The following GARNL3 variants were observed in gnomAD, a reference collection of about 807,000 sequenced individuals.
GARNL3 encodes the protein GTPase activating Rap/RanGAP domain like 3.
GARNL3 carries 63 observed loss-of-function variants against 125.0 expected under a neutral mutation model. The ratio of observed to expected loss-of-function variants is 0.50; its 90% confidence interval spans 0.41 to 0.62. The LOEUF is 0.62. Among genes scored for constraint, GARNL3 ranks in the 20% least tolerant of loss-of-function variants. The probability of loss-of-function intolerance (pLI) is 0.00; values close to 1 mark genes in which losing one functional copy is unlikely to be tolerated. For synonymous variants in GARNL3, 439 were observed against 457.5 expected, an observed-to-expected ratio of 0.96 and a Z score of 0.52; for missense variants, 994 against 1,244.0, an observed-to-expected ratio of 0.80 and a Z score of 3.02.
chr9:127,289,523 T>G (rs1223416826), intron 1 of GARNL3, among the ~76,000 whole-genome samples: 1 of 152,260 alleles, frequency 6.6e-6, no homozygotes, highest in African/African-American at 2.4e-5. Context: ...GAGTGGAATG[T>G]TGCTCATCAA....
At chr9:127,275,831 T>C (rs771684880) in intron 1 of GARNL3, among the ~76,000 whole-genome samples, 9 of 152,244 alleles carry the variant, frequency 5.9e-5, no homozygotes, top group Non-Finnish European at 1.0e-4. Flanking sequence ...AAAAGGATTG[T>C]ATGCTTTTTG....
At chr9:127,309,804 A>G (rs546241370) in intron 2 of GARNL3, among the ~76,000 whole-genome samples, 4 of 152,278 alleles carry the variant, frequency 2.6e-5, no homozygotes, top group African/African-American at 7.2e-5. Context: ...TAAACTTCCA[A>G]TTGAAGGAAA....
At chr9:127,347,948 C>T (rs897183450) in intron 16 of GARNL3, among the ~76,000 whole-genome samples, 1 of 152,210 alleles carries the variant, frequency 6.6e-6, no homozygotes, top group African/African-American at 2.4e-5. Context: ...CATTTACCCT[C>T]AGCCCTAATG....
intron 21 of GARNL3, among the ~76,000 whole-genome samples, chr9:127,358,327 T>C (rs1830798243): frequency 6.6e-6 from 1 of 152,234 alleles, no homozygotes; most frequent in African/African-American, 2.4e-5. Context: ...CATTGAGGTT[T>C]GCAGCATGCA....
chr9:127,258,870 C>T (rs560438124), upstream of GARNL3, among the ~76,000 whole-genome samples: 35 of 152,310 alleles, frequency 2.3e-4, no homozygotes, highest in African/African-American at 8.4e-4. Flanking sequence ...TACTGTCTGC[C>T]TATCGTGGAG....
rs1198241421 is a variant in GARNL3, at chr9:127,351,702, T to C, written c.1544-2144T>C. On this transcript the variant is annotated intron_variant, in intron 17 of 27. Coordinates refer to ENST00000373387, the MANE Select transcript of GARNL3 (RefSeq NM_032293.5). ...TGTATCCCTTGAGAGTCTACTCCTT[T>C]CAAGGTCATTATTAAAAATCAAGAC... Among the ~76,000 whole-genome samples the C allele has an allele frequency of 2.0e-5, 3 of 152,224 alleles. No individual in the cohort carries two copies. The East Asian group carries it at 5.8e-4, about 29-fold the overall frequency.
At chr9:127,373,159 A>G (rs1831698760) in intron 22 of GARNL3, among the ~76,000 whole-genome samples, 1 of 152,242 alleles carries the variant, frequency 6.6e-6, no homozygotes, top group Admixed American at 6.5e-5. Context: ...ACAAATACTC[A>G]TAGATTGCAA....
At chr9:127,246,053 C>G (rs1268460859) in intron 2 of GARNL3, among the ~76,000 whole-genome samples, 1 of 152,136 alleles carries the variant, frequency 6.6e-6, no homozygotes, top group African/African-American at 2.4e-5. Context: ...ACCACAGTAC[C>G]TCAAAGACCT....
chr9:127,373,487 G>A lies in GARNL3; in HGVS notation c.2161+8121G>A, dbSNP rs1274291659. Among the ~76,000 whole-genome samples, 12 of 152,186 alleles carry A rather than the reference G, an allele frequency of 7.9e-5. No homozygotes were observed. In the East Asian group the frequency reaches 9.6e-4, roughly 12 times the overall value. ...CCTTTTTAAAAAGATAAAATCAGCC[G>A]GGTCCGATGGCTCACGCCTGTTTTC... On this transcript the variant is annotated intron_variant, in intron 22 of 27. Transcript: ENST00000373387.
intron 17 of GARNL3, among the ~76,000 whole-genome samples, chr9:127,350,496 C>T (rs1247028140): frequency 3.3e-5 from 5 of 151,910 alleles, no homozygotes; most frequent in Non-Finnish European, 5.9e-5. Context: ...AAAATCCTTC[C>T]GGGCGCAGTG....
At chr9:127,369,629 G>A (rs746326627) in intron 22 of GARNL3, among the ~76,000 whole-genome samples, 22 of 152,196 alleles carry the variant, frequency 1.4e-4, no homozygotes, top group Non-Finnish European at 3.2e-4. Flanking sequence ...AGGTCATTTG[G>A]AAGACAAGAG....
At chr9:127,343,607 C>T (rs1403684409) in intron 14 of GARNL3, among the ~76,000 whole-genome samples, 3 of 152,200 alleles carry the variant, frequency 2.0e-5, no homozygotes, top group Non-Finnish European at 4.4e-5. Flanking sequence ...CAAAATCTGG[C>T]AGAAGACTAG....
intron 1 of GARNL3, among the ~76,000 whole-genome samples, chr9:127,287,240 A>G (rs1436155327): frequency 1.3e-5 from 2 of 152,100 alleles, no homozygotes; most frequent in East Asian, 3.9e-4. Flanking sequence ...GGAGCTCTGT[A>G]CCATCTTAAT....
chr9:127,262,731 G>C (rs1177792167), upstream of GARNL3, among the ~76,000 whole-genome samples: 2 of 152,226 alleles, frequency 1.3e-5, no homozygotes, highest in African/African-American at 4.8e-5. Flanking sequence ...TCAGGCATTA[G>C]CTAGTATGAT....
In GARNL3 at chr9:127,377,447, T is replaced by G. The variant is rs974839979; in HGVS notation, c.2162-5991T>G. Among the ~76,000 whole-genome samples the G allele has an allele frequency of 2.6e-5, 4 of 152,104 alleles. No individual in the cohort carries two copies. The East Asian group carries it at 7.7e-4, about 29-fold the overall frequency. On this transcript the variant is annotated intron_variant, in intron 22 of 27. Transcript: ENST00000373387. Reference sequence around the variant, plus strand: ...TTATAAAAGAAAACATGGACCACTGTGTACCAAGTCTTAGCGGTGGAGAGA... The same window carrying G: ...TTATAAAAGAAAACATGGACCACTGGGTACCAAGTCTTAGCGGTGGAGAGA...
At chr9:127,263,575 A>G (rs778919474), upstream of GARNL3, 443 of 516,924 alleles carry the variant, frequency 8.6e-4, no homozygotes, top group Non-Finnish European at 1.0e-3. Flanking sequence ...AAATAGGCGT[A>G]GAGGACATAT....
intron 2 of GARNL3, among the ~76,000 whole-genome samples, chr9:127,245,668 G>T (rs1358390789): frequency 1.3e-5 from 2 of 152,196 alleles, no homozygotes; most frequent in East Asian, 1.9e-4. Context: ...CTCCTTCACT[G>T]AACAAATATT....
In GARNL3 at chr9:127,385,312, T is replaced by C. The variant is rs1832487242; in HGVS notation, c.2388+167T>C. 6.6e-6 allele frequency among the ~76,000 whole-genome samples: 1 copy of C among 152,216 alleles called. No homozygotes were observed. The highest frequency in any genetic ancestry group is 1.5e-5 in the Non-Finnish European group (1 of 68,036). ...GAAACCAGACTGATCTGTTGGGTTT[T>C]CATGTGTGATTTCTGTGGGCTTTCA... On this transcript the variant is annotated intron_variant, in intron 24 of 27. Coordinates refer to ENST00000373387, the MANE Select transcript of GARNL3 (RefSeq NM_032293.5). This position sits in a 1 kb window ranked among gnomAD's most constrained non-coding sequence, Gnocchi z 4.1.
rs1446364001 is a variant in GARNL3 at position 127,266,849 on chromosome 9, A to T, written c.144+1828A>T. Among the ~76,000 whole-genome samples the T allele has an allele frequency of 6.6e-6, 1 of 152,214 alleles. No individual in the cohort carries two copies. Among genetic ancestry groups the T allele is most frequent in the Non-Finnish European group, 1.5e-5 (1 of 68,032 alleles). ...AGTGACAACATTACTTGGGGGAGAT[A>T]ACATGGGTGTGAAAGATGGACTCTT... On this transcript the variant is annotated intron_variant, in intron 1 of 27. Coordinates refer to ENST00000373387, the MANE Select transcript of GARNL3 (RefSeq NM_032293.5). This position sits in a 1 kb window ranked among gnomAD's most constrained non-coding sequence, Gnocchi z 4.0.
Sources: allele counts gnomAD v4.1 joint callset (sites outside exome capture counted in the v4.1 genomes callset), GRCh38; gene constraint gnomAD v4.1.1; non-coding constraint Gnocchi (gnomAD v3.1); transcripts MANE v1.5; gene names NCBI Gene and HGNC (gene_info 2026-07-23, HGNC 2026-07-21).